ZFP57: variants seen among roughly 807,000 people sequenced by gnomAD.
The protein encoded by ZFP57 is ZFP57 zinc finger protein.
Under a neutral mutation model 15.8 loss-of-function variants are expected in ZFP57, and 12 were observed. That is an observed-to-expected ratio of 0.76 (90% CI 0.49 to 1.23). The LOEUF is 1.23. Ranked by LOEUF, ZFP57 falls within the 50% of genes most tolerant of loss-of-function variation. The pLI, the probability that ZFP57 is intolerant of heterozygous loss-of-function variation, is 0.00. For missense variants in ZFP57, 536 were observed against 654.9 expected (o/e 0.82, Z 1.98); for synonymous variants, 203 against 242.3 (o/e 0.84, Z 1.51).
chr6:29,676,200 G>C (rs1362877034), intron 2 of ZFP57, 141 bp from the exon 3 acceptor site: 8 of 961,268 alleles, frequency 8.3e-6, no homozygotes, highest in Non-Finnish European at 1.1e-5. Context: ...AAGGAAGAGA[G>C]AAATATTAAA....
chr6:29,673,371 CTT>C lies in ZFP57; in HGVS notation c.738_739del (p.Arg248SerfsTer25). On this transcript the variant is annotated frameshift_variant, in exon 5 of 5. Transcript: ENST00000376883. LOFTEE classifies it low-confidence loss of function (END_TRUNC). This position sits in a 1 kb window ranked among gnomAD's most constrained non-coding sequence, Gnocchi z 4.7. ...ACCCAGATGGACGCGGCGGTGACGA[CTT>C]AGTCCAGAAGCATCACAGTAGGTCT... The C allele has an allele frequency of 6.2e-7, 1 of 1,613,074 alleles. No homozygotes were observed. Among genetic ancestry groups the C allele is most frequent in the Non-Finnish European group, 8.5e-7 (1 of 1,180,038 alleles).
At chr6:29,676,165 A>G (rs955490241) in intron 2 of ZFP57, 106 bp from the exon 3 acceptor site, 1 of 1,211,812 alleles carries the variant, frequency 8.3e-7, no homozygotes, top group African/African-American at 1.5e-5. Flanking sequence ...GAGAATTAAA[A>G]CCTAAGAGAA....
intron 4 of ZFP57, among the ~76,000 whole-genome samples, chr6:29,675,173 A>AGAGAGAGAG (rs374535121): frequency 1.2e-4 from 13 of 105,002 alleles, no homozygotes; most frequent in African/African-American, 4.5e-4. Flanking sequence ...AAAAAAAAAA[A>AGAGAGAGAG]AGAGAGAGAG....
chr6:29,676,187 T>C, intron 2 of ZFP57, 128 bp from the exon 3 acceptor site: 1 of 1,025,722 alleles, frequency 9.7e-7, no homozygotes, highest in Non-Finnish European at 1.4e-6. Flanking sequence ...GATAAAACCA[T>C]GGAAGGAAGA....
At chr6:29,680,454 T>C (rs550563581) in intron 1 of ZFP57, among the ~76,000 whole-genome samples, 1 of 152,168 alleles carries the variant, frequency 6.6e-6, no homozygotes, top group Admixed American at 6.5e-5. Context: ...GCCACGTGAG[T>C]TTTCCGCCTG....
At chr6:29,675,240 T>C in intron 4 of ZFP57, 146 bp downstream of exon 4, 2 of 705,784 alleles carry the variant, frequency 2.8e-6, no homozygotes, top group Non-Finnish European at 5.2e-6. Context: ...GATATTAAGC[T>C]CTCTTTCAAC....
In ZFP57 at chr6:29,672,858, C is replaced by T. The variant is rs1771774727; in HGVS notation, c.1253G>A (p.Ser418Asn). The T allele has an allele frequency of 6.2e-7, 1 of 1,612,936 alleles. No individual in the cohort carries two copies. Among genetic ancestry groups the T allele is most frequent in the Non-Finnish European group, 8.5e-7 (1 of 1,180,030 alleles). ...TEPPNYCFHC[S>N]KSFSSFSRLV... ...CCTGGAAAATGAGCTGAAAGACTTG[C>T]TGCAATGGAAGCAGTAGTTGGGCGG... The change falls in exon 5 of 5, where the codon AGC becomes AAC. Residue 418 changes from serine to asparagine, a missense_variant. Ser to Asn is a conservative substitution (Grantham distance 46, BLOSUM62 1). Transcript: ENST00000376883.
At chr6:29,678,388 C>T (rs396660) in intron 1 of ZFP57, among the ~76,000 whole-genome samples, 44,602 of 152,058 alleles carry the variant, frequency 0.29, 6,879 homozygotes, top group East Asian at 0.5. Flanking sequence ...ATCTCAGTTA[C>T]CAGGTTGACT....
chr6:29,678,862 G>A (rs760532269), intron 1 of ZFP57, among the ~76,000 whole-genome samples: 6 of 152,118 alleles, frequency 3.9e-5, no homozygotes, highest in African/African-American at 7.2e-5. Flanking sequence ...GTGAAACCCC[G>A]TCTCTACTGA....
At chr6:29,676,110 G>C in intron 2 of ZFP57, 51 bp from the exon 3 acceptor site, 1 of 1,482,398 alleles carries the variant, frequency 6.7e-7, no homozygotes, top group Non-Finnish European at 9.3e-7. Flanking sequence ...ATATGTGTGT[G>C]TGTGTGTGTG....
chr6:29,680,343 G>A (rs17184549), intron 1 of ZFP57, among the ~76,000 whole-genome samples: 24,904 of 152,052 alleles, frequency 0.16, 2,613 homozygotes, highest in East Asian at 0.23. Flanking sequence ...TTTATCCACA[G>A]CAATTCTGAG....
intron 3 of ZFP57, 44 bp downstream of exon 3, chr6:29,675,889 G>T (rs1357306953): frequency 6.2e-7 from 1 of 1,612,092 alleles, no homozygotes; most frequent in South Asian, 1.1e-5. Flanking sequence ...ATGTTCCAGG[G>T]CCCTTAGGAC....
At position 29,677,144 on chromosome 6, in the gene ZFP57, T is replaced by A; in HGVS notation, c.-141A>T. ...CCAGCAAAGGCCCCAGGGTTTGATGTGGCTTCCTGTGACAAATGTATCTGC... is the reference window on the plus strand; with the variant it reads ...CCAGCAAAGGCCCCAGGGTTTGATGAGGCTTCCTGTGACAAATGTATCTGC... On this transcript the variant is annotated 5_prime_UTR_variant, in exon 2 of 5. Transcript: ENST00000376883. 8.8e-7 allele frequency: 1 copy of A among 1,137,278 alleles called. No homozygotes were observed. Among genetic ancestry groups the A allele is most frequent in the Non-Finnish European group, 1.3e-6 (1 of 769,700 alleles). The allele number at this position is 1,137,278 out of a possible 1,614,324, so 70.4% of individuals were successfully genotyped here.
intron 1 of ZFP57, among the ~76,000 whole-genome samples, chr6:29,679,344 A>G (rs944984585): frequency 7.9e-5 from 12 of 152,326 alleles, no homozygotes; most frequent in South Asian, 4.1e-4. Context: ...TCACTTTTTG[A>G]GAAGTGTTAA....
intron 4 of ZFP57, 79 bp downstream of exon 4, chr6:29,675,307 A>C (rs1772014581): frequency 1.9e-6 from 2 of 1,048,184 alleles, no homozygotes; most frequent in Non-Finnish European, 3.0e-6. Context: ...TAGAGCATTC[A>C]TCCTCTTCAT....
intron 1 of ZFP57, among the ~76,000 whole-genome samples, chr6:29,680,384 C>T (rs1032145422): frequency 5.3e-5 from 8 of 152,320 alleles, no homozygotes; most frequent in Middle Eastern, 3.4e-3. Flanking sequence ...CCCCTCACAC[C>T]GCAAACAGTT....
Position 29,676,560 on chromosome 6 carries a change from A to AAT in ZFP57, c.123+320_123+321insAT, listed in dbSNP as rs1554212913. Among the ~76,000 whole-genome samples, 185 of 144,344 alleles carry AAT rather than the reference A, an allele frequency of 1.3e-3. 4 individuals carry two copies. The highest frequency in any genetic ancestry group is 2.3e-3 in the East Asian group (11 of 4,746). 94.7% of individuals were successfully genotyped at this position (144,344 alleles called of 152,430 possible). A position where few individuals can be genotyped will look rare whatever the true frequency, so the allele number is the denominator to read the frequency against. Reference sequence around the variant, plus strand: ...CAAAAAAAAAAAAAAGAAAAAAAAAAAAAGGAAAGGAAAGATGAAGAGAAA... The same window carrying AAT: ...CAAAAAAAAAAAAAAGAAAAAAAAAAATAAAGGAAAGGAAAGATGAAGAGAAA... On this transcript the variant is annotated intron_variant, in intron 2 of 4. Coordinates refer to ENST00000376883, the MANE Select transcript of ZFP57 (RefSeq NM_001109809.5).
intron 3 of ZFP57, 63 bp downstream of exon 3, chr6:29,675,870 G>A: frequency 1.2e-6 from 2 of 1,607,756 alleles, no homozygotes; most frequent in Non-Finnish European, 1.7e-6. Flanking sequence ...ACCTGTCCAG[G>A]GAAACCAGAT....
intron 3 of ZFP57, 123 bp downstream of exon 3, chr6:29,675,810 C>A: frequency 7.9e-7 from 1 of 1,265,016 alleles, no homozygotes; most frequent in Non-Finnish European, 1.1e-6. Flanking sequence ...ATCTTTCACA[C>A]CTGGAAAGCA....
Sources: gnomAD v4.1 joint callset for allele counts (sites outside exome capture counted in the v4.1 genomes callset) on GRCh38, gnomAD v4.1.1 for gene constraint, Gnocchi (gnomAD v3.1) non-coding constraint, MANE v1.5 for transcripts, NCBI Gene and HGNC (gene_info 2026-07-23, HGNC 2026-07-21) for gene names.